The following BDNF variants were observed in gnomAD, a reference collection of about 807,000 sequenced individuals.
BDNF encodes neurotrophic factor BDNF precursor form.
A neutral mutation model predicts 19.5 loss-of-function variants in BDNF; 1 was observed. The observed-to-expected ratio is 0.05, with a 90% CI of 0.02 to 0.24. BDNF has a LOEUF of 0.24. Among genes scored for constraint, BDNF ranks in the 10% least tolerant of loss-of-function variants. The pLI, the probability that BDNF is intolerant of heterozygous loss-of-function variation, is 1.00. For missense variants in BDNF, 195 were observed against 317.6 expected, an observed-to-expected ratio of 0.61 and a Z score of 2.93; for synonymous variants, 100 against 121.6, an observed-to-expected ratio of 0.82 and a Z score of 1.17.
intron 1 of BDNF, among the ~76,000 whole-genome samples, chr11:27,672,548 A>G (rs185612666): frequency 2.6e-4 from 40 of 152,260 alleles, no homozygotes; most frequent in Non-Finnish European, 2.5e-4. Context: ...GCTCTCTCCT[A>G]CCAAATACCA....
At chr11:27,680,195 G>T (rs571017173) in intron 1 of BDNF, among the ~76,000 whole-genome samples, 4 of 152,174 alleles carry the variant, frequency 2.6e-5, no homozygotes, top group Non-Finnish European at 4.4e-5. Flanking sequence ...AGTGTTAAGG[G>T]TGGGTTAGAC....
chr11:27,692,412 G>A (rs951379398), intron 1 of BDNF, among the ~76,000 whole-genome samples: 1 of 152,082 alleles, frequency 6.6e-6, no homozygotes, highest in African/African-American at 2.4e-5. Context: ...GACAATCACG[G>A]CTCACTGCAG....
intron 1 of BDNF, among the ~76,000 whole-genome samples, chr11:27,659,894 A>G (rs967758671): frequency 3.3e-5 from 5 of 152,212 alleles, no homozygotes; most frequent in African/African-American, 1.2e-4. Flanking sequence ...AACAAGCAAA[A>G]TGAAAACATA....
At chr11:27,705,002 G>A (rs1013405892), upstream of BDNF, among the ~76,000 whole-genome samples, 2 of 152,130 alleles carry the variant, frequency 1.3e-5, no homozygotes, top group Admixed American at 1.3e-4. Flanking sequence ...TAGAACAAGA[G>A]GGTCAAAAGC....
chr11:27,664,856 C>T (rs1048070810), intron 1 of BDNF, among the ~76,000 whole-genome samples: 4 of 152,132 alleles, frequency 2.6e-5, no homozygotes, highest in African/African-American at 7.2e-5. Context: ...ACAGTCACAT[C>T]GAACCTTGCC....
In BDNF at chr11:27,658,976, G is replaced by A. The variant is rs902491739; in HGVS notation, c.-21-391C>T. On this transcript the variant is annotated intron_variant, in intron 1 of 1. Transcript: ENST00000356660. This position sits in a 1 kb window ranked among gnomAD's most constrained non-coding sequence, Gnocchi z 5.7. ...AAATGTTACTAAGCAACAACTGCAA[G>A]TGTAATTAATAGTAATTTTTTTCAA... 9.0e-7 allele frequency: 1 copy of A among 1,105,070 alleles called. No individual in the cohort carries two copies. The highest frequency in any genetic ancestry group is 1.1e-6 in the Non-Finnish European group (1 of 894,354). The allele number at this position is 1,105,070 out of a possible 1,614,324, so 68.5% of individuals were successfully genotyped here.
At chr11:27,665,015 T>A (rs1854074881) in intron 1 of BDNF, among the ~76,000 whole-genome samples, 1 of 152,228 alleles carries the variant, frequency 6.6e-6, no homozygotes, top group Non-Finnish European at 1.5e-5. Context: ...TTTACTTTTT[T>A]AAAAAACAGT....
rs1860701055 is a variant in BDNF at position 27,720,326 on chromosome 11, G to T, written c.3+1086C>A. On this transcript the variant is annotated intron_variant, in intron 1 of 1. Coordinates refer to the BDNF transcript ENST00000314915. ...AGCTCAAGAATTGGGGATGCAAGGG[G>T]TCCCCGCCCTGGTGCTTACCTTCTT... is the stretch of plus-strand genomic sequence containing the variant. 7.1e-6 allele frequency: 7 copies of T among 985,840 alleles called. No individual in the cohort carries two copies. In the African/African-American group the frequency reaches 1.2e-4, roughly 17 times the overall value. The allele number at this position is 985,840 out of a possible 1,614,324, so 61.1% of individuals were successfully genotyped here.
In BDNF at chr11:27,656,717, AGTT is replaced by A. The variant is rs1852594922; in HGVS notation, c.*1101_*1103del. 2 of 985,186 alleles carry A rather than the reference AGTT, an allele frequency of 2.0e-6. No individual in the cohort carries two copies. The highest frequency in any genetic ancestry group is 2.4e-6 in the Non-Finnish European group (2 of 829,904). 61.0% of individuals were successfully genotyped at this position (985,186 alleles called of 1,614,324 possible). ...CAAGACATTGTTAAGCCTCACCATGAGTTTTTTTTAAGCTTAGCCATGATTTAC... is the reference window on the plus strand; with the variant it reads ...CAAGACATTGTTAAGCCTCACCATGATTTTTTAAGCTTAGCCATGATTTAC... On this transcript the variant is annotated 3_prime_UTR_variant, in exon 2 of 2. Transcript: ENST00000356660.
intron 1 of BDNF, among the ~76,000 whole-genome samples, chr11:27,707,668 A>G (rs767641145): frequency 5.3e-5 from 8 of 152,224 alleles, no homozygotes; most frequent in Non-Finnish European, 1.2e-4. Context: ...AATGTTTCAT[A>G]AAAGTTGAAG....
intron 1 of BDNF, chr11:27,660,343 C>A: frequency 1.7e-6 from 1 of 595,364 alleles, no homozygotes; most frequent in Non-Finnish European, 2.5e-6. Flanking sequence ...CTTAGAACTG[C>A]TTAGATTGCA....
upstream of BDNF, among the ~76,000 whole-genome samples, chr11:27,702,463 C>T (rs1859949403): frequency 6.6e-6 from 1 of 152,192 alleles, no homozygotes; most frequent in African/African-American, 2.4e-5. Flanking sequence ...CCAAATTCTG[C>T]AGGCAGCTTT....
chr11:27,660,259 CTT>C, intron 1 of BDNF: 4 of 1,253,668 alleles, frequency 3.2e-6, no homozygotes, highest in South Asian at 1.4e-5. Context: ...CACTAAGAGA[CTT>C]TATTACCATC....
At chr11:27,717,860 A>AGTGTGTGTGTGT (rs56730757) in intron 1 of BDNF, among the ~76,000 whole-genome samples, 143 of 147,568 alleles carry the variant, frequency 9.7e-4, no homozygotes, top group Non-Finnish European at 1.5e-3. Context: ...TTACAAGTTG[A>AGTGTGTGTGTGT]GTGTGTGTGT....
At chr11:27,673,997 T>C (rs576800731) in intron 1 of BDNF, 15 of 1,467,292 alleles carry the variant, frequency 1.0e-5, no homozygotes, top group East Asian at 2.5e-5. Flanking sequence ...CAAACTATTA[T>C]CAAGAAATCT....
Position 27,700,380 on chromosome 11 carries a change from G to A in BDNF, c.-238C>T, listed in dbSNP as rs986252589. 6 of 985,772 alleles carry A rather than the reference G, an allele frequency of 6.1e-6. No homozygotes were observed. The highest frequency in any genetic ancestry group is 4.6e-5 in the South Asian group (1 of 21,654). 61.1% of individuals were successfully genotyped at this position (985,772 alleles called of 1,614,324 possible). A position where few individuals can be genotyped will look rare whatever the true frequency, so the allele number is the denominator to read the frequency against. On this transcript the variant is annotated 5_prime_UTR_variant, in exon 1 of 2. Transcript: ENST00000356660. ...GCCCGGGAGCCCGAGGCGCTACGGGGTGCGCGGGACAGCGAGCGGGCGGGT... is the reference window on the plus strand; with the variant it reads ...GCCCGGGAGCCCGAGGCGCTACGGGATGCGCGGGACAGCGAGCGGGCGGGT...
intron 1 of BDNF, among the ~76,000 whole-genome samples, chr11:27,669,614 C>G (rs531944866): frequency 1.6e-3 from 238 of 151,324 alleles, no homozygotes; most frequent in African/African-American, 5.7e-3. Context: ...ACACCAATAA[C>G]AGACAAACAG....
chr11:27,674,342 A>C, intron 1 of BDNF: 1 of 1,538,256 alleles, frequency 6.5e-7, no homozygotes, highest in Non-Finnish European at 8.8e-7. Context: ...TAATTACTTA[A>C]CTGTAAAGCA....
intron 1 of BDNF, among the ~76,000 whole-genome samples, chr11:27,685,743 ATT>A (rs1857396205): frequency 6.6e-6 from 1 of 151,766 alleles, no homozygotes; most frequent in African/African-American, 2.4e-5. Context: ...TTCTAATTTA[ATT>A]GCACTTTGGT....
Sources: allele counts gnomAD v4.1 joint callset (sites outside exome capture counted in the v4.1 genomes callset), GRCh38; gene constraint gnomAD v4.1.1; non-coding constraint Gnocchi (gnomAD v3.1); transcripts MANE v1.5; gene names NCBI Gene and HGNC (gene_info 2026-07-23, HGNC 2026-07-21).